The following UBE2W variants were observed in gnomAD, a reference collection of about 807,000 sequenced individuals.
UBE2W encodes the protein ubiquitin-conjugating enzyme E2 W.
A neutral mutation model predicts 27.2 loss-of-function variants in UBE2W; 18 were observed. That is an observed-to-expected ratio of 0.66 (90% CI 0.46 to 0.98). UBE2W has a LOEUF of 0.98. Among genes scored for constraint, UBE2W ranks in the 50% least tolerant of loss-of-function variants. The probability of loss-of-function intolerance (pLI) is 0.00; values close to 1 mark genes in which losing one functional copy is unlikely to be tolerated. For missense variants in UBE2W, 90 were observed against 180.2 expected, an observed-to-expected ratio of 0.50 and a Z score of 2.87; for synonymous variants, 53 against 57.2, an observed-to-expected ratio of 0.93 and a Z score of 0.33.
intron 1 of UBE2W, among the ~76,000 whole-genome samples, chr8:73,843,830 T>C (rs1163594902): frequency 1.3e-5 from 2 of 148,698 alleles, no homozygotes; most frequent in African/African-American, 2.5e-5. Context: ...TTTCTATAAA[T>C]GTTTCTTAAA....
At chr8:73,868,424 T>G (rs1456891929) in intron 1 of UBE2W, among the ~76,000 whole-genome samples, 1 of 152,226 alleles carries the variant, frequency 6.6e-6, no homozygotes, top group Non-Finnish European at 1.5e-5. Context: ...TTCAATTGTA[T>G]CCTTTAAAAT....
At chr8:73,877,720 C>A (rs997022609) in intron 1 of UBE2W, among the ~76,000 whole-genome samples, 1 of 152,172 alleles carries the variant, frequency 6.6e-6, no homozygotes, top group African/African-American at 2.4e-5. Flanking sequence ...TCCTATTGAG[C>A]GTTCTACTTT....
intron 2 of UBE2W, among the ~76,000 whole-genome samples, chr8:73,826,952 T>TA (rs1394317530): frequency 6.6e-6 from 1 of 152,250 alleles, no homozygotes; most frequent in East Asian, 1.9e-4. Flanking sequence ...AGGTCCTTCT[T>TA]AATCTTCGAA....
rs562866774 is a variant in UBE2W, at chr8:73,806,972, G to A, written c.367-1246C>T. Among the ~76,000 whole-genome samples the A allele has an allele frequency of 6.6e-5, 10 of 152,246 alleles. No individual in the cohort carries two copies. The East Asian group carries it at 9.6e-4, about 15-fold the overall frequency. ...ATGGCAGCTCCGCAAGGGAGCTACC[G>A]CAGATAAAGTGATGCCAACAACACT... On this transcript the variant is annotated intron_variant, in intron 4 of 5. Coordinates refer to ENST00000602593, the MANE Select transcript of UBE2W (RefSeq NM_018299.6).
intron 1 of UBE2W, among the ~76,000 whole-genome samples, chr8:73,867,732 T>G (rs1182878177): frequency 7.0e-6 from 1 of 142,098 alleles, no homozygotes; most frequent in East Asian, 2.1e-4. Flanking sequence ...AAAAAAAAAA[T>G]TATTGGGCAA....
chr8:73,875,745 C>T (rs1812189546), intron 1 of UBE2W, among the ~76,000 whole-genome samples: 1 of 152,110 alleles, frequency 6.6e-6, no homozygotes, highest in Non-Finnish European at 1.5e-5. Context: ...TGCACTATCA[C>T]CTTCTAATAT....
intron 3 of UBE2W, among the ~76,000 whole-genome samples, chr8:73,822,313 A>T (rs1191554018): frequency 6.6e-6 from 1 of 152,116 alleles, no homozygotes; most frequent in Non-Finnish European, 1.5e-5. Flanking sequence ...CTAGGCCGAC[A>T]AAGAATCCCT....
rs1254367044 is a variant in UBE2W at position 73,792,498 on chromosome 8, C to T, written c.*1604G>A. On this transcript the variant is annotated 3_prime_UTR_variant, in exon 6 of 6. Coordinates refer to ENST00000602593, the MANE Select transcript of UBE2W (RefSeq NM_018299.6). ...AAATGTCATCTATACAGATTAAAAA[C>T]AATTTTAAAATATTATTTACCAATT... 6.1e-6 allele frequency: 6 copies of T among 985,004 alleles called. No individual in the cohort carries two copies. Among genetic ancestry groups the T allele is most frequent in the Middle Eastern group, 5.2e-4 (1 of 1,908 alleles). The allele number at this position is 985,004 out of a possible 1,614,324, so 61.0% of individuals were successfully genotyped here. A position where few individuals can be genotyped will look rare whatever the true frequency, so the allele number is the denominator to read the frequency against.
At chr8:73,830,257 T>A in intron 2 of UBE2W, 124 bp downstream of exon 2, 1 of 668,652 alleles carries the variant, frequency 1.5e-6, no homozygotes, top group Non-Finnish European at 2.6e-6. Flanking sequence ...AAGATCTGTT[T>A]ACTCTATTTA....
intron 5 of UBE2W, among the ~76,000 whole-genome samples, chr8:73,798,024 A>G (rs530713039): frequency 6.6e-6 from 1 of 152,328 alleles, no homozygotes; most frequent in African/African-American, 2.4e-5. Flanking sequence ...GTGGTGGCTC[A>G]TGCCTGCAAT....
chr8:73,878,760 T>G (rs1416138691), intron 1 of UBE2W, 48 bp downstream of exon 1: 2 of 1,494,440 alleles, frequency 1.3e-6, no homozygotes, highest in Admixed American at 3.9e-5. Flanking sequence ...ACGCTGGCAC[T>G]CTCTCGGCGG....
intron 2 of UBE2W, 23 bp downstream of exon 2, chr8:73,830,358 C>T (rs1810022002): frequency 6.6e-7 from 1 of 1,518,100 alleles, no homozygotes; most frequent in South Asian, 1.1e-5. Flanking sequence ...AAACAAAGAG[C>T]CCTTTTAAAA....
intron 5 of UBE2W, among the ~76,000 whole-genome samples, chr8:73,805,072 T>G (rs994754860): frequency 2.0e-5 from 3 of 152,110 alleles, no homozygotes; most frequent in Non-Finnish European, 2.9e-5. Context: ...CAACTTCTTT[T>G]CTGTAATACA....
At position 73,801,193 on chromosome 8, in the gene UBE2W, T is replaced by C. The variant is rs564182509; in HGVS notation, c.442+4458A>G. On this transcript the variant is annotated intron_variant, in intron 5 of 5. Coordinates refer to ENST00000602593, the MANE Select transcript of UBE2W (RefSeq NM_018299.6). ...TGGTTTTATCTTTCCCCATTTCTTA[T>C]TCAAAAGCAGGTAAGAAGAAACTCT... 4.6e-5 allele frequency among the ~76,000 whole-genome samples: 7 copies of C among 152,338 alleles called. No homozygotes were observed. The South Asian group carries it at 1.4e-3, about 32-fold the overall frequency.
intron 1 of UBE2W, chr8:73,832,081 G>A (rs1256021730): frequency 6.7e-6 from 1 of 149,498 alleles, no homozygotes; most frequent in East Asian, 2.0e-4. Flanking sequence ...GACCAGCTTG[G>A]GTAACATAGT....
rs539533044 is a variant in UBE2W at position 73,802,782 on chromosome 8, G to C, written c.442+2869C>G. On this transcript the variant is annotated intron_variant, in intron 5 of 5. Coordinates refer to ENST00000602593, the MANE Select transcript of UBE2W (RefSeq NM_018299.6). Reference sequence around the variant, plus strand: ...CTCATGCCTGTAATCCCAGCACTTTGGGAGGCCGAGGTGGGTGGATCACGA... The same window carrying C: ...CTCATGCCTGTAATCCCAGCACTTTCGGAGGCCGAGGTGGGTGGATCACGA... Among the ~76,000 whole-genome samples, 4 of 152,290 alleles carry C rather than the reference G, an allele frequency of 2.6e-5. No homozygotes were observed. In the South Asian group the frequency reaches 8.3e-4, roughly 32 times the overall value.
At chr8:73,802,571 T>TG (rs988991045) in intron 5 of UBE2W, among the ~76,000 whole-genome samples, 1 of 152,136 alleles carries the variant, frequency 6.6e-6, no homozygotes, top group African/African-American at 2.4e-5. Context: ...TACCCAACAT[T>TG]GAAAAAAAAC....
At chr8:73,835,330 C>T (rs1458618613) in intron 1 of UBE2W, among the ~76,000 whole-genome samples, 7 of 152,154 alleles carry the variant, frequency 4.6e-5, no homozygotes, top group African/African-American at 1.7e-4. Flanking sequence ...TCCCAACAAA[C>T]TCTAAAGGTC....
At position 73,790,828 on chromosome 8, in the gene UBE2W, T is replaced by A. The variant is rs901668020; in HGVS notation, c.*3274A>T. 6.2e-5 allele frequency: 61 copies of A among 985,002 alleles called. No individual in the cohort carries two copies. Among genetic ancestry groups the A allele is most frequent in the Non-Finnish European group, 6.9e-5 (57 of 829,632 alleles). 61.0% of individuals were successfully genotyped at this position (985,002 alleles called of 1,614,324 possible). A position where few individuals can be genotyped will look rare whatever the true frequency, so the allele number is the denominator to read the frequency against. Reference sequence around the variant, plus strand: ...CTCATTTCCATTATTTACCAATTCATCTTTGATGCAACTTGGAAACAATTA... The same window carrying A: ...CTCATTTCCATTATTTACCAATTCAACTTTGATGCAACTTGGAAACAATTA... On this transcript the variant is annotated 3_prime_UTR_variant, in exon 6 of 6. Transcript: ENST00000602593.
Sources: allele counts gnomAD v4.1 joint callset (sites outside exome capture counted in the v4.1 genomes callset), GRCh38; gene constraint gnomAD v4.1.1; transcripts MANE v1.5; gene names NCBI Gene and HGNC (gene_info 2026-07-23, HGNC 2026-07-21).